The following MPP7 variants were observed in gnomAD, a reference collection of about 807,000 sequenced individuals.
The protein encoded by MPP7 is MAGUK p55 subfamily member 7.
MPP7 carries 60 observed loss-of-function variants against 76.5 expected under a neutral mutation model. That is an observed-to-expected ratio of 0.78 (90% CI 0.64 to 0.97). MPP7 has a LOEUF of 0.97. Ranked by LOEUF, MPP7 falls within the 50% of genes least tolerant of loss-of-function variation. The pLI, the probability that MPP7 is intolerant of heterozygous loss-of-function variation, is 0.00. For synonymous variants in MPP7, 237 were observed against 244.5 expected (o/e 0.97, Z 0.29); for missense variants, 641 against 694.0 (o/e 0.92, Z 0.86).
intron 3 of MPP7, among the ~76,000 whole-genome samples, chr10:28,158,647 G>A (rs896633352): frequency 3.3e-5 from 5 of 152,252 alleles, no homozygotes; most frequent in African/African-American, 1.2e-4. Flanking sequence ...AGTAGAGGCC[G>A]ACAGTTGCTT....
intron 2 of MPP7, among the ~76,000 whole-genome samples, chr10:28,218,157 C>T (rs1322274228): frequency 1.3e-5 from 2 of 152,028 alleles, no homozygotes; most frequent in Non-Finnish European, 2.9e-5. Flanking sequence ...AGGGAGGAGG[C>T]CAAAAGAGGC....
At chr10:28,267,125 CA>C (rs1840172217) in intron 1 of MPP7, among the ~76,000 whole-genome samples, 1 of 152,292 alleles carries the variant, frequency 6.6e-6, no homozygotes, top group Non-Finnish European at 1.5e-5. Context: ...TATTGAAACA[CA>C]GCCAAGTTCA....
intron 2 of MPP7, among the ~76,000 whole-genome samples, chr10:28,234,896 C>T (rs1035130208): frequency 1.3e-5 from 2 of 152,202 alleles, no homozygotes; most frequent in Non-Finnish European, 2.9e-5. Flanking sequence ...CTGCAGCCTA[C>T]ACCTCCCAGG....
At chr10:28,111,022 G>C (rs185853085) in intron 11 of MPP7, among the ~76,000 whole-genome samples, 27 of 152,120 alleles carry the variant, frequency 1.8e-4, no homozygotes, top group Non-Finnish European at 3.1e-4. Flanking sequence ...ACATTTGTAA[G>C]TTGATTGTTA....
chr10:28,163,162 A>G (rs1836321560), intron 3 of MPP7, among the ~76,000 whole-genome samples: 1 of 152,094 alleles, frequency 6.6e-6, no homozygotes, highest in Admixed American at 6.6e-5. Context: ...CCTCCCTGTG[A>G]TCTGGTCTCT....
chr10:28,265,388 A>C (rs953452395), intron 1 of MPP7, among the ~76,000 whole-genome samples: 5 of 152,110 alleles, frequency 3.3e-5, no homozygotes, highest in African/African-American at 9.7e-5. Flanking sequence ...GCGAAACCCC[A>C]TCTCCACAAA....
chr10:28,070,847 A>G (rs1852211674), intron 12 of MPP7, among the ~76,000 whole-genome samples: 1 of 152,248 alleles, frequency 6.6e-6, no homozygotes, highest in South Asian at 2.1e-4. Context: ...AGTTTCAAAT[A>G]TGAGTCTGAA....
rs779948020 is a variant in MPP7, at chr10:28,120,558, C to G, written c.690+36G>C. On this transcript the variant is annotated intron_variant, in intron 9 of 16. Coordinates refer to ENST00000683449, the MANE Select transcript of MPP7 (RefSeq NM_001318170.2). ...TTGGATGGAAAAACATGACTTCCCT[C>G]CCACGCACGAAGAAATGTTTTTAAG... 1.9e-6 allele frequency: 3 copies of G among 1,586,134 alleles called. No homozygotes were observed. In the Admixed American group the frequency reaches 5.0e-5, roughly 27 times the overall value.
At position 28,303,015 on chromosome 10, in the gene MPP7, C is replaced by A. The variant is rs979775003; in HGVS notation, c.-286G>T. 1.3e-4 allele frequency among the ~76,000 whole-genome samples: 20 copies of A among 150,192 alleles called. No homozygotes were observed. The highest frequency in any genetic ancestry group is 1.9e-4 in the African/African-American group (8 of 41,318). On this transcript the variant is annotated 5_prime_UTR_variant, in exon 1 of 17. Transcript: ENST00000683449. ...ACCGCCGCGGCGGGCGCAGAACGCA[C>A]GAGCCCAGTGGGAGCCCGGCCCCCG...
At chr10:28,264,810 C>T (rs977053486) in intron 1 of MPP7, among the ~76,000 whole-genome samples, 8 of 151,926 alleles carry the variant, frequency 5.3e-5, no homozygotes, top group East Asian at 3.9e-4. Context: ...TTTATGGTGG[C>T]GGTGGGTAAA....
intron 3 of MPP7, among the ~76,000 whole-genome samples, chr10:28,198,301 G>A (rs1219760088): frequency 1.3e-5 from 2 of 152,136 alleles, no homozygotes; most frequent in African/African-American, 4.8e-5. Flanking sequence ...TATAGGCCAG[G>A]CGCAGTGGCT....
chr10:28,263,702 G>A (rs1438849276), intron 1 of MPP7, among the ~76,000 whole-genome samples: 1 of 152,158 alleles, frequency 6.6e-6, no homozygotes, highest in Non-Finnish European at 1.5e-5. Flanking sequence ...GAGGGGCAGA[G>A]AGGAGCGGCA....
At chr10:28,250,804 T>A (rs188044121) in intron 1 of MPP7, among the ~76,000 whole-genome samples, 1 of 152,290 alleles carries the variant, frequency 6.6e-6, no homozygotes, top group East Asian at 1.9e-4. Context: ...CTTCAAAATA[T>A]AGGTTTAATT....
intron 1 of MPP7, among the ~76,000 whole-genome samples, chr10:28,276,843 T>C (rs977289370): frequency 6.6e-6 from 1 of 152,044 alleles, no homozygotes; most frequent in African/African-American, 2.4e-5. Context: ...TTAGGAATAA[T>C]AGCCCTATCG....
intron 13 of MPP7, among the ~76,000 whole-genome samples, chr10:28,063,155 C>G (rs1428838071): frequency 2.0e-5 from 3 of 152,064 alleles, no homozygotes; most frequent in African/African-American, 7.2e-5. Context: ...AGTCACGAGA[C>G]AAACAGTCCA....
chr10:28,083,432 C>T (rs1446583933), intron 12 of MPP7, among the ~76,000 whole-genome samples: 1 of 151,692 alleles, frequency 6.6e-6, no homozygotes, highest in East Asian at 1.9e-4. Flanking sequence ...TCCAGCTGTA[C>T]AGGCATTCTT....
At chr10:28,207,554 G>T (rs1434334839) in intron 2 of MPP7, among the ~76,000 whole-genome samples, 1 of 151,920 alleles carries the variant, frequency 6.6e-6, no homozygotes, top group Non-Finnish European at 1.5e-5. Flanking sequence ...GCATGGTGGT[G>T]CACACCTGTA....
intron 3 of MPP7, among the ~76,000 whole-genome samples, chr10:28,189,037 C>T (rs1433822570): frequency 6.6e-6 from 1 of 151,982 alleles, no homozygotes; most frequent in East Asian, 1.9e-4. Flanking sequence ...AAAGGAAGGA[C>T]ATCAGAGAAA....
At chr10:28,241,918 T>C (rs1159646386) in intron 1 of MPP7, among the ~76,000 whole-genome samples, 5 of 152,218 alleles carry the variant, frequency 3.3e-5, no homozygotes, top group Admixed American at 6.5e-5. Flanking sequence ...TGAAGGTCTA[T>C]GAGCTTACAA....
Sources: allele counts gnomAD v4.1 joint callset (sites outside exome capture counted in the v4.1 genomes callset), GRCh38; gene constraint gnomAD v4.1.1; transcripts MANE v1.5; gene names NCBI Gene and HGNC (gene_info 2026-07-23, HGNC 2026-07-21).